Variants in TMEM164 observed in about 807,000 individuals in gnomAD.
TMEM164 encodes RP13-360B22.2.
In TMEM164, 4 loss-of-function variants were observed where a neutral mutation model predicts 18.8. The ratio of observed to expected loss-of-function variants is 0.21; its 90% CI spans 0.10 to 0.49. TMEM164 has a LOEUF of 0.49. Among genes scored for constraint, TMEM164 ranks in the 20% least tolerant of loss-of-function variants. The pLI is 0.98. For missense variants in TMEM164, 108 were observed against 239.9 expected, an observed-to-expected ratio of 0.45 and a Z score of 3.63; for synonymous variants, 86 against 101.7, an observed-to-expected ratio of 0.85 and a Z score of 0.93.
intron 2 of TMEM164, among the ~76,000 whole-genome samples, chrX:110,023,799 A>C (rs982688019): frequency 9.0e-6 from 1 of 111,703 alleles, no homozygotes; most frequent in Non-Finnish European, 1.9e-5. Flanking sequence ...AATGGAGCCT[A>C]ACATGAAAAT....
At chrX:110,139,101 T>C (rs1288632565) in intron 4 of TMEM164, among the ~76,000 whole-genome samples, 4 of 112,447 alleles carry the variant, frequency 3.6e-5, no homozygotes, top group Admixed American at 1.9e-4. Context: ...CTACCACAAA[T>C]GGAAGTGAGG....
At chrX:110,151,855 A>G (rs184726280) in intron 5 of TMEM164, among the ~76,000 whole-genome samples, 3 of 111,284 alleles carry the variant, frequency 2.7e-5, no homozygotes, top group African/African-American at 6.5e-5. Context: ...TCACATGCTC[A>G]TTGTTCAATT....
intron 2 of TMEM164, among the ~76,000 whole-genome samples, chrX:110,036,630 A>T (rs1934816043): frequency 8.9e-6 from 1 of 112,543 alleles, no homozygotes; most frequent in African/African-American, 3.2e-5. Context: ...ACGGATTGGG[A>T]TCACTGATAA....
intron 3 of TMEM164, among the ~76,000 whole-genome samples, chrX:110,076,462 G>A (rs183761398): frequency 3.0e-4 from 33 of 110,001 alleles, no homozygotes; most frequent in Admixed American, 2.3e-3. Flanking sequence ...ATTTTTTTGG[G>A]TTTCAGTTTC....
chrX:110,146,970 C>T, intron 5 of TMEM164, among the ~76,000 whole-genome samples: 1 of 112,211 alleles, frequency 8.9e-6, no homozygotes, highest in Non-Finnish European at 1.9e-5. Context: ...AATTTTTACC[C>T]AGTACAAGAC....
chrX:110,105,731 CAGAGAG>C (rs745823538), intron 3 of TMEM164, among the ~76,000 whole-genome samples: 40 of 86,719 alleles, frequency 4.6e-4, no homozygotes, highest in African/African-American at 1.8e-3. Context: ...GACACACACA[CAGAGAG>C]AGAGAGAGAG....
intron 3 of TMEM164, among the ~76,000 whole-genome samples, chrX:110,084,433 A>G (rs1418932101): frequency 2.6e-5 from 2 of 76,352 alleles, no homozygotes; most frequent in Non-Finnish European, 4.8e-5. Context: ...ATAGTATAGT[A>G]TATATATATA....
chrX:110,016,372 C>T (rs1933367530), intron 2 of TMEM164, among the ~76,000 whole-genome samples: 8 of 111,819 alleles, frequency 7.2e-5, no homozygotes. Flanking sequence ...TGTCTGTGGA[C>T]ATTAAGGACA....
chrX:110,062,976 G>A (rs1306440111), intron 2 of TMEM164, among the ~76,000 whole-genome samples: 2 of 111,329 alleles, frequency 1.8e-5, no homozygotes, highest in Non-Finnish European at 3.8e-5. Context: ...GATGATGAGG[G>A]CCCAAGGGTA....
At chrX:110,099,199 A>T (rs1459573224) in intron 3 of TMEM164, among the ~76,000 whole-genome samples, 2 of 110,354 alleles carry the variant, frequency 1.8e-5, no homozygotes, top group Non-Finnish European at 3.8e-5. Flanking sequence ...ATCCCATGTT[A>T]TATGTTATAT....
At chrX:110,076,433 T>G (rs979491407) in intron 3 of TMEM164, among the ~76,000 whole-genome samples, 1 of 111,238 alleles carries the variant, frequency 9.0e-6, no homozygotes, top group Non-Finnish European at 1.9e-5. Flanking sequence ...CAACCTTTTT[T>G]TATTGATCCT....
intron 5 of TMEM164, among the ~76,000 whole-genome samples, chrX:110,152,780 A>G (rs1480652127): frequency 9.0e-6 from 1 of 111,074 alleles, no homozygotes; most frequent in East Asian, 2.8e-4. Flanking sequence ...TCTTCCCTCA[A>G]TGATGATAAT....
At chrX:110,014,457 C>T (rs28716834) in intron 2 of TMEM164, among the ~76,000 whole-genome samples, 159 of 111,683 alleles carry the variant, frequency 1.4e-3, no homozygotes, top group African/African-American at 5.0e-3. Flanking sequence ...ATTATCCAGT[C>T]CTTTCTGGGT....
chrX:110,026,499 T>C (rs1448649281), intron 2 of TMEM164, among the ~76,000 whole-genome samples: 1 of 111,329 alleles, frequency 9.0e-6, no homozygotes, highest in Non-Finnish European at 1.9e-5. Context: ...ACCCTGGAGA[T>C]GTATTGGAGT....
chrX:110,134,353 A>G (rs1274485500), intron 4 of TMEM164, among the ~76,000 whole-genome samples: 1 of 110,474 alleles, frequency 9.1e-6, no homozygotes, highest in African/African-American at 3.3e-5. Flanking sequence ...AGTTCGAGAC[A>G]AGTCTGGCCA....
chrX:110,158,687 G>GC (rs943162685), intron 5 of TMEM164, among the ~76,000 whole-genome samples: 23 of 111,534 alleles, frequency 2.1e-4, no homozygotes, highest in African/African-American at 5.5e-4. Context: ...TGTAGCACAG[G>GC]CCCCCCCATA....
intron 2 of TMEM164, among the ~76,000 whole-genome samples, chrX:110,004,692 G>C (rs1406976327): frequency 1.8e-5 from 2 of 112,390 alleles, no homozygotes; most frequent in Non-Finnish European, 3.8e-5. Context: ...CTTAGAGTGA[G>C]GTCTGCCTTT....
At chrX:110,136,867 C>T (rs765548908) in intron 4 of TMEM164, among the ~76,000 whole-genome samples, 1 of 111,526 alleles carries the variant, frequency 9.0e-6, no homozygotes, top group South Asian at 3.8e-4. Context: ...AGAATCTCTC[C>T]TGTTCTTAAC....
chrX:110,101,321 A>G (rs182721784), intron 3 of TMEM164, among the ~76,000 whole-genome samples: 2 of 111,752 alleles, frequency 1.8e-5, no homozygotes, highest in Non-Finnish European at 3.8e-5. Context: ...AGTATTATTC[A>G]GGTTGTCTTT....
Sources: gnomAD v4.1 joint callset for allele counts (sites outside exome capture counted in the v4.1 genomes callset) on GRCh38, gnomAD v4.1.1 for gene constraint, MANE v1.5 for transcripts, NCBI Gene and HGNC (gene_info 2026-07-23, HGNC 2026-07-21) for gene names.